The following STX3 variants were observed in gnomAD, a reference collection of about 807,000 sequenced individuals.
The protein encoded by STX3 is syntaxin 3.
Under a neutral mutation model 40.2 loss-of-function variants are expected in STX3, and 19 were observed. The observed-to-expected ratio is 0.47, with a 90% CI of 0.33 to 0.69. STX3 has a LOEUF of 0.69. Ranked by LOEUF, STX3 falls within the 30% of genes least tolerant of loss-of-function variation. STX3 has a pLI of 0.02. For synonymous variants in STX3, 122 were observed against 132.2 expected (o/e 0.92, Z 0.53); for missense variants, 364 against 366.7 (o/e 0.99, Z 0.06).
chr11:59,765,766 C>G lies in STX3; in HGVS notation c.31-7445C>G, dbSNP rs57871852. 2.6e-5 allele frequency among the ~76,000 whole-genome samples: 4 copies of G among 151,994 alleles called. No individual in the cohort carries two copies. In the South Asian group the frequency reaches 8.3e-4, roughly 32 times the overall value. Reference sequence around the variant, plus strand: ...CTGCAGTGAGCCGAGATTGCACCACCGTACTCCAGCCTGGAAGATAGAGCA... The same window carrying G: ...CTGCAGTGAGCCGAGATTGCACCACGGTACTCCAGCCTGGAAGATAGAGCA... On this transcript the variant is annotated intron_variant, in intron 1 of 10. Coordinates refer to ENST00000337979, the MANE Select transcript of STX3 (RefSeq NM_004177.5).
intron 2 of STX3, among the ~76,000 whole-genome samples, chr11:59,781,085 C>CTTTTTTTT (rs67745750): frequency 9.5e-5 from 11 of 116,048 alleles, no homozygotes; most frequent in South Asian, 2.7e-4. Context: ...CATTTGTTTT[C>CTTTTTTTT]TTTTTTTTTT....
intron 2 of STX3, among the ~76,000 whole-genome samples, chr11:59,778,405 T>C (rs1000357133): frequency 2.0e-5 from 3 of 152,106 alleles, no homozygotes; most frequent in Admixed American, 2.0e-4. Flanking sequence ...TGGGCCTCCT[T>C]AGCTGGAAGG....
At chr11:59,783,112 G>T (rs977926274) in intron 2 of STX3, among the ~76,000 whole-genome samples, 2 of 152,206 alleles carry the variant, frequency 1.3e-5, no homozygotes, top group African/African-American at 4.8e-5. Context: ...CACTTGGTCA[G>T]CAATACTTCT....
At chr11:59,781,790 A>G in intron 2 of STX3, 1 of 1,475,180 alleles carries the variant, frequency 6.8e-7, no homozygotes, top group Non-Finnish European at 9.2e-7. Context: ...AAACAAATTA[A>G]AGAGGACTTG....
In STX3 at chr11:59,767,796, T is replaced by C. The variant is rs555598108; in HGVS notation, c.31-5415T>C. Reference sequence around the variant, plus strand: ...CTCATTATTTCATTTTGGGCCTTGGTTTCCCCCTGGTTTCTGTCCAGACCT... The same window carrying C: ...CTCATTATTTCATTTTGGGCCTTGGCTTCCCCCTGGTTTCTGTCCAGACCT... On this transcript the variant is annotated intron_variant, in intron 1 of 10. Coordinates refer to ENST00000337979, the MANE Select transcript of STX3 (RefSeq NM_004177.5). Among the ~76,000 whole-genome samples the C allele has an allele frequency of 1.1e-4, 16 of 152,286 alleles. No individual in the cohort carries two copies. In the South Asian group the frequency reaches 3.3e-3, roughly 32 times the overall value.
chr11:59,775,986 G>A (rs543920431), intron 2 of STX3, among the ~76,000 whole-genome samples: 8 of 152,318 alleles, frequency 5.3e-5, no homozygotes, highest in Non-Finnish European at 7.3e-5. Flanking sequence ...ACTGTTCCAA[G>A]TATCAGTGGG....
At chr11:59,756,690 CTCCT>C (rs1195301263) in intron 1 of STX3, among the ~76,000 whole-genome samples, 34 of 152,334 alleles carry the variant, frequency 2.2e-4, no homozygotes, top group Non-Finnish European at 3.8e-4. Context: ...CTGGGGTTGT[CTCCT>C]GGCTCCACTG....
At chr11:59,766,815 A>G (rs1285469610) in intron 1 of STX3, among the ~76,000 whole-genome samples, 2 of 152,206 alleles carry the variant, frequency 1.3e-5, no homozygotes, top group Non-Finnish European at 2.9e-5. Flanking sequence ...TCGGCAAATC[A>G]GTAGCTGGGA....
intron 1 of STX3, among the ~76,000 whole-genome samples, chr11:59,756,796 A>G (rs958837998): frequency 6.6e-6 from 1 of 152,218 alleles, no homozygotes; most frequent in African/African-American, 2.4e-5. Flanking sequence ...GATGCTTAAG[A>G]ACACTTTTAG....
Position 59,795,475 on chromosome 11 carries a change from C to T in STX3, c.779C>T (p.Ala260Val), listed in dbSNP as rs1565190931. The change falls in exon 9 of 11, where the codon GCC becomes GTC. Residue 260 changes from alanine (A) to valine (V), a missense_variant. Coordinates refer to ENST00000337979, the MANE Select transcript of STX3 (RefSeq NM_004177.5). ...TKKAVKYQSQARKKLIIIIVL... is the reference protein window; with the variant it reads ...TKKAVKYQSQVRKKLIIIIVL... ...AAAGCTGTGAAATACCAGAGTCAGGCCCGGAAGGTGAGACTCTCCTGTGGC... is the reference window on the plus strand; with the variant it reads ...AAAGCTGTGAAATACCAGAGTCAGGTCCGGAAGGTGAGACTCTCCTGTGGC... 1 of 1,611,148 alleles carries T rather than the reference C, an allele frequency of 6.2e-7. No individual in the cohort carries two copies. The highest frequency in any genetic ancestry group is 8.5e-7 in the Non-Finnish European group (1 of 1,178,736).
chr11:59,790,560 G>A lies in STX3; in HGVS notation c.331G>A (p.Ala111Thr), dbSNP rs1248437941. The A allele has an allele frequency of 6.2e-7, 1 of 1,614,020 alleles. No homozygotes were observed. ...HIEEDEVRSS[A>T]DLRIRKSQHS... ...TGAAGAAGATGAGGTCAGGTCATCGGCAGACCTTCGGATTCGGAAATCCCA... is the reference window on the plus strand; with the variant it reads ...TGAAGAAGATGAGGTCAGGTCATCGACAGACCTTCGGATTCGGAAATCCCA... The change falls in exon 5 of 11, where the codon GCA becomes ACA. Residue 111 changes from alanine to threonine, a missense_variant. Ala to Thr is a moderately conservative substitution (Grantham distance 58). Transcript: ENST00000337979.
At position 59,771,415 on chromosome 11, in the gene STX3, C is replaced by G. The variant is rs1863636869; in HGVS notation, c.31-1796C>G. On this transcript the variant is annotated intron_variant, in intron 1 of 10. Transcript: ENST00000337979. ...CCGTCCCCCCACCTCCCCCCCCCCG[C>G]CCGCCCACAGAATCTCCAGGAGTTT... Among the ~76,000 whole-genome samples the G allele has an allele frequency of 1.6e-5, 2 of 127,480 alleles. 1 individual carries two copies. Among genetic ancestry groups the G allele is most frequent in the African/African-American group, 6.4e-5 (2 of 31,070 alleles). 83.6% of individuals were successfully genotyped at this position (127,480 alleles called of 152,430 possible).
chr11:59,792,842 G>A (rs1330638519), intron 6 of STX3, among the ~76,000 whole-genome samples: 1 of 152,188 alleles, frequency 6.6e-6, no homozygotes, highest in Admixed American at 6.5e-5. Context: ...GGACACCATA[G>A]TGTAGTGAAT....
At chr11:59,760,087 G>GA (rs1482346740) in intron 1 of STX3, among the ~76,000 whole-genome samples, 3 of 152,206 alleles carry the variant, frequency 2.0e-5, no homozygotes, top group African/African-American at 7.2e-5. Context: ...AACCAGAGCT[G>GA]AGAGTGATGG....
chr11:59,803,010 C>CATCCTCTGGGA lies in STX3; in HGVS notation c.*2191_*2192insCTGGGAATCCT, dbSNP rs112607308. 0.027 allele frequency: 26,447 copies of CATCCTCTGGGA among 985,270 alleles called. 1,124 individuals are homozygous for CATCCTCTGGGA. Among genetic ancestry groups the CATCCTCTGGGA allele is most frequent in the African/African-American group, 0.17 (9,750 of 57,266 alleles). 61.0% of individuals were successfully genotyped at this position (985,270 alleles called of 1,614,324 possible). A position where few individuals can be genotyped will look rare whatever the true frequency, so the allele number is the denominator to read the frequency against. On this transcript the variant is annotated 3_prime_UTR_variant, in exon 11 of 11. Coordinates refer to ENST00000337979, the MANE Select transcript of STX3 (RefSeq NM_004177.5). Reference sequence around the variant, plus strand: ...TAGAAGGTGGAATGACCATACCAAACATCCTTTTAATCTAACTTGAATGTC... The same window carrying CATCCTCTGGGA: ...TAGAAGGTGGAATGACCATACCAAACATCCTCTGGGAATCCTTTTAATCTAACTTGAATGTC...
At chr11:59,769,028 T>C (rs77199971) in intron 1 of STX3, among the ~76,000 whole-genome samples, 5 of 152,198 alleles carry the variant, frequency 3.3e-5, no homozygotes, top group South Asian at 2.1e-4. Flanking sequence ...AGTAATTTCT[T>C]GTCATCTACT....
rs759645835 is a variant in STX3, at chr11:59,790,535, T to C, written c.306T>C (p.Ile102=). 3.1e-6 allele frequency: 5 copies of C among 1,613,902 alleles called. No individual in the cohort carries two copies. Among genetic ancestry groups the C allele is most frequent in the Middle Eastern group, 1.6e-4 (1 of 6,084 alleles). ...RNKLKSMEKH[I]EEDEVRSSAD... is the part of the protein sequence containing the mutation. ...CCTCTTTAGGCATGGAGAAGCATAT[T>C]GAAGAAGATGAGGTCAGGTCATCGG... The change falls in exon 5 of 11, where the codon ATT becomes ATC. Residue 102 remains isoleucine (I), a synonymous_variant. Coordinates refer to ENST00000337979, the MANE Select transcript of STX3 (RefSeq NM_004177.5).
At position 59,802,940 on chromosome 11, in the gene STX3, AT is replaced by A. The variant is rs1368336658; in HGVS notation, c.*2117del. 4 of 985,340 alleles carry A rather than the reference AT, an allele frequency of 4.1e-6. No individual in the cohort carries two copies. Among genetic ancestry groups the A allele is most frequent in the Non-Finnish European group, 1.2e-6 (1 of 829,950 alleles). The allele number at this position is 985,340 out of a possible 1,614,324, so 61.0% of individuals were successfully genotyped here. A position where few individuals can be genotyped will look rare whatever the true frequency, so the allele number is the denominator to read the frequency against. ...AGAATTTGGTTCAGTCCTTGGGAGT[AT>A]CTGGCTTTAGGAGGAAATGGGGGAG... is the stretch of plus-strand genomic sequence containing the variant. On this transcript the variant is annotated 3_prime_UTR_variant, in exon 11 of 11. Coordinates refer to ENST00000337979, the MANE Select transcript of STX3 (RefSeq NM_004177.5).
Position 59,755,629 on chromosome 11 carries a change from G to C in STX3, c.24G>C (p.Leu8=), listed in dbSNP as rs752460859. 3.1e-6 allele frequency: 5 copies of C among 1,594,302 alleles called. No individual in the cohort carries two copies. The highest frequency in any genetic ancestry group is 4.3e-6 in the Non-Finnish European group (5 of 1,176,188). Residue 8 remains leucine, a synonymous_variant, in exon 1 of 11, where the codon CTG becomes CTC. Coordinates refer to ENST00000337979, the MANE Select transcript of STX3 (RefSeq NM_004177.5). MKDRLEQ[L]KAKQLTQDDD... is the part of the protein sequence containing the mutation. ...GGATGAAGGACCGTCTGGAGCAGCT[G>C]AAGGCCGTGAGTTTCGCCGCAGGCG...
Sources: gnomAD v4.1 joint callset for allele counts (sites outside exome capture counted in the v4.1 genomes callset) on GRCh38, gnomAD v4.1.1 for gene constraint, MANE v1.5 for transcripts, NCBI Gene and HGNC (gene_info 2026-07-23, HGNC 2026-07-21) for gene names.